Variants in SORL1 observed in about 807,000 individuals in gnomAD.
The protein encoded by SORL1 is sortilin related receptor 1.
A neutral mutation model predicts 273.7 loss-of-function variants in SORL1; 127 were observed. The observed-to-expected ratio is 0.46, with a 90% confidence interval of 0.40 to 0.54. The LOEUF is 0.54. Among genes scored for constraint, SORL1 ranks in the 20% least tolerant of loss-of-function variants. SORL1 has a pLI of 0.00. For synonymous variants in SORL1, 1,031 were observed against 1,067.4 expected (o/e 0.97, Z 0.66); for missense variants, 2,494 against 2,846.1 (o/e 0.88, Z 2.81).
At chr11:121,612,699 T>A (rs758817504) in intron 39 of SORL1, 37 bp from the exon 40 acceptor site, 3 of 1,469,520 alleles carry the variant, frequency 2.0e-6, no homozygotes, top group Middle Eastern at 1.7e-4. Flanking sequence ...GCCCCATGAC[T>A]AGCTGTTCAT....
At chr11:121,485,075 G>A (rs757173984) in intron 3 of SORL1, among the ~76,000 whole-genome samples, 8 of 152,154 alleles carry the variant, frequency 5.3e-5, no homozygotes, top group Non-Finnish European at 1.2e-4. Context: ...TCTTAAGGGC[G>A]GTGGTTGAAG....
intron 31 of SORL1, among the ~76,000 whole-genome samples, chr11:121,591,691 C>T (rs1051264845): frequency 1.2e-4 from 18 of 152,120 alleles, no homozygotes; most frequent in African/African-American, 4.1e-4. Context: ...CGTGTGTGCT[C>T]CTAACAGCAG....
chr11:121,482,452 A>G (rs576665594), intron 3 of SORL1, among the ~76,000 whole-genome samples: 4 of 152,342 alleles, frequency 2.6e-5, no homozygotes, highest in African/African-American at 9.6e-5. Context: ...TCAGGCCTGG[A>G]ACAGGCTGAG....
chr11:121,529,517 C>G (rs1402342630), intron 11 of SORL1, among the ~76,000 whole-genome samples: 3 of 152,118 alleles, frequency 2.0e-5, no homozygotes, highest in Non-Finnish European at 2.9e-5. Context: ...ACGCCCAGCC[C>G]TGGATAGTAC....
In SORL1 at chr11:121,627,678, G is replaced by A. The variant is rs143615238; in HGVS notation, c.6488G>A (p.Arg2163Gln). The A allele has an allele frequency of 4.2e-5, 68 of 1,613,998 alleles. 1 individual carries two copies. In the African/African-American group the frequency reaches 6.7e-4, roughly 16 times the overall value. The change falls in exon 47 of 48, where the codon CGG becomes CAG. Residue 2163 changes from arginine (R) to glutamine (Q), a missense_variant. Arg to Gln is a conservative substitution (Grantham distance 43). Transcript: ENST00000260197. This position sits in a 1 kb window ranked among gnomAD's most constrained non-coding sequence, Gnocchi z 4.9. ...TTTGCCATCCTGTACACGAAGCACC[G>A]GAGGCTGCAGAGCAGCTTCACCGCC... ...VGFAILYTKHRRLQSSFTAFA... is the reference protein window; with the variant it reads ...VGFAILYTKHQRLQSSFTAFA...
chr11:121,552,329 A>G (rs1424518690), intron 16 of SORL1, among the ~76,000 whole-genome samples: 1 of 152,266 alleles, frequency 6.6e-6, no homozygotes, highest in East Asian at 1.9e-4. Flanking sequence ...AGGACCAGCC[A>G]AGAATTCCAT....
At chr11:121,519,945 A>T (rs1159041218) in intron 8 of SORL1, among the ~76,000 whole-genome samples, 1 of 152,154 alleles carries the variant, frequency 6.6e-6, no homozygotes. Context: ...AAAGAAACAA[A>T]TTTTTTAAAA....
chr11:121,478,068 C>G, intron 2 of SORL1, 50 bp from the exon 3 acceptor site: 2 of 1,463,060 alleles, frequency 1.4e-6, no homozygotes, highest in Non-Finnish European at 9.3e-7. Context: ...ATCTTTCTGC[C>G]AGTTTCTCAC....
rs541604737 is a variant in SORL1 at position 121,605,671 on chromosome 11, G to A, written c.4948+100G>A. ...CTCAGGAATGTGGGAACATATGTGT[G>A]CCTCACATGTACAGAAGTATGGTGG... On this transcript the variant is annotated intron_variant, in intron 35 of 47. Coordinates refer to ENST00000260197, the MANE Select transcript of SORL1 (RefSeq NM_003105.6). 27 of 934,114 alleles carry A rather than the reference G, an allele frequency of 2.9e-5. No individual in the cohort carries two copies. The South Asian group carries it at 4.0e-4, about 14-fold the overall frequency. 57.9% of individuals were successfully genotyped at this position (934,114 alleles called of 1,614,324 possible). A position where few individuals can be genotyped will look rare whatever the true frequency, so the allele number is the denominator to read the frequency against.
At chr11:121,574,396 T>C in intron 24 of SORL1, 33 bp downstream of exon 24, 1 of 1,607,254 alleles carries the variant, frequency 6.2e-7, no homozygotes, top group Non-Finnish European at 8.5e-7. Flanking sequence ...AACCCTGCTC[T>C]GGAGAGGGGG....
rs1863891618 is a variant in SORL1, at chr11:121,632,732, C to T, written c.*3169C>T. ...CCTACTCCTTCTTGGCGAATGCTGC[C>T]TTCAGATGCTTACCAAGTGGTCACT... On this transcript the variant is annotated 3_prime_UTR_variant, in exon 48 of 48. Transcript: ENST00000260197. 1.3e-5 allele frequency: 2 copies of T among 152,014 alleles called. No individual in the cohort carries two copies. The highest frequency in any genetic ancestry group is 6.6e-5 in the Admixed American group (1 of 15,246). 9.4% of individuals were successfully genotyped at this position (152,014 alleles called of 1,614,324 possible).
At position 121,590,069 on chromosome 11, in the gene SORL1, C is replaced by T. The variant is rs1216782824; in HGVS notation, c.4108C>T (p.Arg1370Cys). ...CCCCACAGAAGCCCCAAACTGCTCC[C>T]GCTACTTCCAGTTTCGGTGTGAGAA... ...ENPTEAPNCS[R>C]YFQFRCENGH... The change falls in exon 30 of 48, where the codon CGC becomes TGC. Residue 1370 changes from arginine to cysteine, a missense_variant. Physicochemically the swap from Arg to Cys is radical, Grantham distance 180 (BLOSUM62 -3). Coordinates refer to ENST00000260197, the MANE Select transcript of SORL1 (RefSeq NM_003105.6). 19 of 1,613,990 alleles carry T rather than the reference C, an allele frequency of 1.2e-5. No individual in the cohort carries two copies. The highest frequency in any genetic ancestry group is 2.2e-5 in the South Asian group (2 of 91,084).
chr11:121,479,282 C>A (rs1281589144), intron 3 of SORL1, among the ~76,000 whole-genome samples: 2 of 152,098 alleles, frequency 1.3e-5, no homozygotes, highest in Non-Finnish European at 2.9e-5. Flanking sequence ...GCTCTTAGCT[C>A]GGAGAGTTGT....
At chr11:121,567,190 C>T in intron 22 of SORL1, 77 bp downstream of exon 22, 1 of 1,257,546 alleles carries the variant, frequency 8.0e-7, no homozygotes, top group African/African-American at 1.5e-5. Flanking sequence ...GGAGGGATAG[C>T]TCTCTGTTTC....
chr11:121,604,052 A>G, intron 32 of SORL1, 141 bp from the exon 33 acceptor site: 1 of 1,028,620 alleles, frequency 9.7e-7, no homozygotes, highest in Non-Finnish European at 1.4e-6. Context: ...GCCGGTATAG[A>G]TTCCACCACT....
At position 121,583,583 on chromosome 11, in the gene SORL1, G is replaced by T. The variant is rs1252287168; in HGVS notation, c.3706G>T (p.Glu1236Ter). The T allele has an allele frequency of 6.2e-7, 1 of 1,604,620 alleles. No individual in the cohort carries two copies. Among genetic ancestry groups the T allele is most frequent in the South Asian group, 1.1e-5 (1 of 89,994 alleles). Residue 1236 changes from glutamate (E) to a stop codon, truncating the protein, a stop_gained and splice_region_variant, in exon 26 of 48, where the codon GAG becomes TAG. Transcript: ENST00000260197. LOFTEE classifies it high-confidence loss of function. ...DGSDEDPVNC[E>*]KKCNGFRCPN... ...TTCCGATGAGGATCCAGTCAACTGT[G>T]GTAAATGCAAATTCCCCAGCTCCCT...
chr11:121,575,547 T>G (rs962516646), intron 24 of SORL1, among the ~76,000 whole-genome samples: 2 of 152,226 alleles, frequency 1.3e-5, no homozygotes, highest in Admixed American at 1.3e-4. Context: ...TCACAGCAGC[T>G]GAAATAAGGG....
Position 121,555,230 on chromosome 11 carries a change from A to G in SORL1, c.2483A>G (p.Asn828Ser), listed in dbSNP as rs377222446. The change falls in exon 18 of 48, where the codon AAT becomes AGT. Residue 828 changes from asparagine to serine, a missense_variant. This residue lies in a region of SORL1 where 1,609 missense variants were observed against 1,816.4 expected (regional missense o/e 0.89). Transcript: ENST00000260197. ...NGSTGQEVII[N>S]SGLETVEALA... ...AGCACAGGGCAAGAGGTGATCATCA[A>G]TTCTGGCCTGGAGACAGTAGAAGCT... The G allele has an allele frequency of 1.4e-4, 229 of 1,614,080 alleles. No homozygotes were observed. The highest frequency in any genetic ancestry group is 3.8e-4 in the Admixed American group (23 of 60,030).
intron 12 of SORL1, among the ~76,000 whole-genome samples, chr11:121,541,244 C>G (rs1387042948): frequency 6.6e-6 from 1 of 151,416 alleles, no homozygotes; most frequent in East Asian, 1.9e-4. Context: ...CTCTGTCATC[C>G]AGGTGGGACT....
Sources: gnomAD v4.1 joint callset for allele counts (sites outside exome capture counted in the v4.1 genomes callset) on GRCh38, gnomAD v4.1.1 for gene constraint, gnomAD v4.1.1 regional missense constraint, Gnocchi (gnomAD v3.1) non-coding constraint, MANE v1.5 for transcripts, NCBI Gene and HGNC (gene_info 2026-07-23, HGNC 2026-07-21) for gene names.